The following RPTOR variants were observed in gnomAD, a reference collection of about 807,000 sequenced individuals.
RPTOR encodes the protein regulatory-associated protein of mTOR.
Under a neutral mutation model 169.9 loss-of-function variants are expected in RPTOR, and 21 were observed. The ratio of observed to expected loss-of-function variants is 0.12; its 90% CI spans 0.09 to 0.18. The LOEUF is 0.18. Ranked by LOEUF, RPTOR falls within the 10% of genes least tolerant of loss-of-function variation. The probability of loss-of-function intolerance (pLI) is 1.00; values close to 1 mark genes in which losing one functional copy is unlikely to be tolerated. For synonymous variants in RPTOR, 732 were observed against 753.2 expected (o/e 0.97, Z 0.46); for missense variants, 1,133 against 1,855.9 (o/e 0.61, Z 7.16).
intron 2 of RPTOR, among the ~76,000 whole-genome samples, chr17:80,636,943 A>G (rs898079620): frequency 6.6e-6 from 1 of 152,208 alleles, no homozygotes; most frequent in African/African-American, 2.4e-5. Flanking sequence ...CCGCTCACTC[A>G]GGGTTGAAGG....
intron 11 of RPTOR, among the ~76,000 whole-genome samples, chr17:80,848,746 A>G (rs2589154): frequency 0.28 from 42,543 of 152,202 alleles, 8,410 homozygotes; most frequent in African/African-American, 0.57. Context: ...TCTCCAAAGC[A>G]GGACCCGATG....
intron 4 of RPTOR, among the ~76,000 whole-genome samples, chr17:80,715,112 C>G (rs1253406641): frequency 2.0e-5 from 3 of 152,064 alleles, no homozygotes; most frequent in Non-Finnish European, 4.4e-5. Flanking sequence ...CAGCAGAAAT[C>G]AATAAAATAG....
intron 32 of RPTOR, 76 bp from the exon 33 acceptor site, chr17:80,962,852 C>T (rs117081329): frequency 0.021 from 33,277 of 1,593,578 alleles, 419 homozygotes; most frequent in Non-Finnish European, 0.025. Flanking sequence ...CCTGTCCCCG[C>T]GGTCTCGGCA....
chr17:80,730,766 G>A lies in RPTOR; in HGVS notation c.654+60G>A, dbSNP rs902184890. On this transcript the variant is annotated intron_variant, in intron 5 of 33. Coordinates refer to ENST00000306801, the MANE Select transcript of RPTOR (RefSeq NM_020761.3). This position sits in a 1 kb window ranked among gnomAD's most constrained non-coding sequence, Gnocchi z 4.2. Reference sequence around the variant, plus strand: ...TTTGGTTTTGTTTTCCCTGGGGGTGGGGTTTGGGTGGGGAGGTTGGGAGGT... The same window carrying A: ...TTTGGTTTTGTTTTCCCTGGGGGTGAGGTTTGGGTGGGGAGGTTGGGAGGT... The A allele has an allele frequency of 2.0e-5, 27 of 1,367,452 alleles. No homozygotes were observed. Among genetic ancestry groups the A allele is most frequent in the East Asian group, 2.5e-5 (1 of 40,488 alleles). The allele number at this position is 1,367,452 out of a possible 1,614,324, so 84.7% of individuals were successfully genotyped here.
intron 28 of RPTOR, 27 bp downstream of exon 28, chr17:80,949,574 G>A: frequency 6.3e-7 from 1 of 1,584,328 alleles, no homozygotes. Flanking sequence ...CCTCCCCAGA[G>A]CAGAATGTGT....
chr17:80,883,621 T>C (rs2068210251), intron 15 of RPTOR, 137 bp downstream of exon 15: 7 of 1,181,888 alleles, frequency 5.9e-6, no homozygotes, highest in Non-Finnish European at 8.7e-6. Flanking sequence ...TAGCCAGCCA[T>C]TTGCAGGCTG....
At chr17:80,856,602 A>C (rs760163293) in intron 12 of RPTOR, among the ~76,000 whole-genome samples, 7 of 152,224 alleles carry the variant, frequency 4.6e-5, no homozygotes, top group Non-Finnish European at 7.3e-5. Flanking sequence ...GAGGCCACAA[A>C]TAGCTTGTAA....
At chr17:80,576,363 T>A (rs1371561539) in intron 1 of RPTOR, among the ~76,000 whole-genome samples, 1 of 152,246 alleles carries the variant, frequency 6.6e-6, no homozygotes, top group Non-Finnish European at 1.5e-5. Context: ...GAAATTACAG[T>A]AGGAATACTG....
At chr17:80,833,384 T>A (rs1326284078) in intron 9 of RPTOR, among the ~76,000 whole-genome samples, 1 of 152,146 alleles carries the variant, frequency 6.6e-6, no homozygotes, top group Non-Finnish European at 1.5e-5. Flanking sequence ...AGATCTGCAC[T>A]CCAGCACTCC....
intron 21 of RPTOR, among the ~76,000 whole-genome samples, chr17:80,915,900 A>G (rs566824232): frequency 1.3e-5 from 2 of 152,032 alleles, no homozygotes; most frequent in African/African-American, 4.8e-5. Context: ...TGCAGAGAGG[A>G]GTTAACCACT....
At chr17:80,628,415 G>A (rs567732231) in intron 2 of RPTOR, among the ~76,000 whole-genome samples, 11 of 152,102 alleles carry the variant, frequency 7.2e-5, no homozygotes, top group Middle Eastern at 3.4e-3. Context: ...GTATTTTTTC[G>A]GGGTATGTAA....
At chr17:80,882,356 A>G (rs1332623969) in intron 14 of RPTOR, among the ~76,000 whole-genome samples, 1 of 152,270 alleles carries the variant, frequency 6.6e-6, no homozygotes, top group African/African-American at 2.4e-5. Flanking sequence ...ACATAGACGC[A>G]TCATAATGAA....
At chr17:80,904,860 T>C (rs1306691939) in intron 20 of RPTOR, among the ~76,000 whole-genome samples, 1 of 152,204 alleles carries the variant, frequency 6.6e-6, no homozygotes, top group Admixed American at 6.5e-5. Flanking sequence ...GCGTCATACT[T>C]TTTACTAGTA....
rs80158096 is a variant in RPTOR at position 80,721,686 on chromosome 17, A to C, written c.508-8874A>C. ...TTATTTTGGTAGTCATACACATGAA[A>C]TGCACTTTGGGGGAGAAGGATGAAA... On this transcript the variant is annotated intron_variant, in intron 4 of 33. Coordinates refer to ENST00000306801, the MANE Select transcript of RPTOR (RefSeq NM_020761.3). The surrounding 1 kb of genome is among the most constrained non-coding windows in gnomAD (Gnocchi z 4.7). Among the ~76,000 whole-genome samples the C allele has an allele frequency of 6.6e-6, 1 of 151,344 alleles. No individual in the cohort carries two copies. Among genetic ancestry groups the C allele is most frequent in the Non-Finnish European group, 1.5e-5 (1 of 68,034 alleles).
intron 13 of RPTOR, among the ~76,000 whole-genome samples, chr17:80,875,124 A>G (rs1307622522): frequency 6.6e-6 from 1 of 152,138 alleles, no homozygotes; most frequent in African/African-American, 2.4e-5. Flanking sequence ...TTCTCCATAA[A>G]ATAATCCTTA....
At chr17:80,902,909 C>T (rs558953894) in intron 20 of RPTOR, among the ~76,000 whole-genome samples, 21 of 152,332 alleles carry the variant, frequency 1.4e-4, no homozygotes, top group South Asian at 2.1e-4. Flanking sequence ...AGAGGCGAGG[C>T]GGGAGTTAAT....
chr17:80,643,785 A>G lies in RPTOR; in HGVS notation c.323A>G (p.Lys108Arg). 6.2e-7 allele frequency: 1 copy of G among 1,613,874 alleles called. No individual in the cohort carries two copies. Reference sequence around the variant, plus strand: ...GAAACCATCGGTGCAAATTTACAGAAGCAGTACGAGAACTGGCAGCCAAGG... The same window carrying G: ...GAAACCATCGGTGCAAATTTACAGAGGCAGTACGAGAACTGGCAGCCAAGG... ...ALETIGANLQ[K>R]QYENWQPRAR... Residue 108 changes from lysine (K) to arginine (R), a missense_variant, in exon 3 of 34, where the codon AAG becomes AGG. Lys to Arg is a conservative substitution (Grantham distance 26, BLOSUM62 2). Transcript: ENST00000306801.
At chr17:80,706,579 TTGTG>T (rs1488344156) in intron 3 of RPTOR, among the ~76,000 whole-genome samples, 3 of 152,186 alleles carry the variant, frequency 2.0e-5, no homozygotes. Flanking sequence ...ATTCTGGACT[TTGTG>T]TGTGAGTTCC....
At chr17:80,896,445 T>C (rs75789594) in intron 20 of RPTOR, among the ~76,000 whole-genome samples, 4,979 of 68,426 alleles carry the variant, frequency 0.073, 266 homozygotes, top group African/African-American at 0.2. Flanking sequence ...CCCACGGCCA[T>C]GCCGACACCC....
Sources: allele counts gnomAD v4.1 joint callset (sites outside exome capture counted in the v4.1 genomes callset), GRCh38; gene constraint gnomAD v4.1.1; non-coding constraint Gnocchi (gnomAD v3.1); transcripts MANE v1.5; gene names NCBI Gene and HGNC (gene_info 2026-07-23, HGNC 2026-07-21).